TRIOBP: variants seen among roughly 807,000 people sequenced by gnomAD.
TRIOBP encodes the protein TRIO and F-actin binding protein, also known as TRIO and F-actin-binding protein.
Under a neutral mutation model 238.8 loss-of-function variants are expected in TRIOBP, and 169 were observed. That is an observed-to-expected ratio of 0.71 (90% CI 0.62 to 0.80). The LOEUF is 0.80. Ranked by LOEUF, TRIOBP falls within the 30% of genes least tolerant of loss-of-function variation. TRIOBP has a pLI of 0.00. For synonymous variants in TRIOBP, 1,150 were observed against 1,274.4 expected (o/e 0.90, Z 2.08); for missense variants, 2,838 against 3,122.6 (o/e 0.91, Z 2.17).
At position 37,758,052 on chromosome 22, in the gene TRIOBP, C is replaced by A; in HGVS notation, c.6127C>A (p.Arg2043=). The A allele has an allele frequency of 6.2e-7, 1 of 1,611,978 alleles. No homozygotes were observed. The highest frequency in any genetic ancestry group is 8.5e-7 in the Non-Finnish European group (1 of 1,179,808). The change falls in exon 16 of 24, where the codon CGG becomes AGG. Residue 2043 remains arginine (R), a synonymous_variant. Coordinates refer to ENST00000644935, the MANE Select transcript of TRIOBP (RefSeq NM_001039141.3). ...GAAGCTGCCCCTGCGGGAGAATAAGCGGGTGCCCCTCACTGCCCTGCTCAA... is the reference window on the plus strand; with the variant it reads ...GAAGCTGCCCCTGCGGGAGAATAAGAGGGTGCCCCTCACTGCCCTGCTCAA... ...LEKLPLRENK[R]VPLTALLNQS...
At chr22:37,712,175 A>G (rs1473470950) in intron 4 of TRIOBP, among the ~76,000 whole-genome samples, 1 of 151,832 alleles carries the variant, frequency 6.6e-6, no homozygotes, top group Non-Finnish European at 1.5e-5. Flanking sequence ...TTCCTCTGTG[A>G]AATGGGAATT....
At chr22:37,755,726 A>G (rs1046868076) in intron 15 of TRIOBP, 67 bp downstream of exon 15, 1 of 1,404,022 alleles carries the variant, frequency 7.1e-7, no homozygotes, top group Non-Finnish European at 1.0e-6. Context: ...GTGGGTTTCT[A>G]GGTACTCACC....
At chr22:37,738,150 A>G (rs1170905506) in intron 9 of TRIOBP, among the ~76,000 whole-genome samples, 1 of 152,206 alleles carries the variant, frequency 6.6e-6, no homozygotes, top group Non-Finnish European at 1.5e-5. Context: ...TCAATGATGC[A>G]TGTTGAATGA....
chr22:37,738,122 G>A (rs979350439), intron 9 of TRIOBP, among the ~76,000 whole-genome samples: 1 of 152,230 alleles, frequency 6.6e-6, no homozygotes, highest in African/African-American at 2.4e-5. Context: ...GAGGGTGAAT[G>A]TGTGAATGGA....
rs1181630970 is a variant in TRIOBP, at chr22:37,734,505, A to G, written c.4169A>G (p.Gln1390Arg). The G allele has an allele frequency of 3.7e-6, 6 of 1,608,826 alleles. No individual in the cohort carries two copies. The highest frequency in any genetic ancestry group is 5.1e-6 in the Non-Finnish European group (6 of 1,178,282). Reference protein sequence around the residue: ...EKRPEGDRQLQGSPLPPRTSA... With the variant: ...EKRPEGDRQLRGSPLPPRTSA... ...AGACCTGAGGGAGATCGGCAGCTCC[A>G]GGGGTCCCCGCTGCCCCCCAGGACA... The change falls in exon 9 of 24, where the codon CAG becomes CGG. Residue 1390 changes from glutamine to arginine, a missense_variant. This residue lies in a region of TRIOBP where 2,096 missense variants were observed against 2,137.4 expected (regional missense o/e 0.98). Transcript: ENST00000644935.
At chr22:37,733,187 G>A (rs1924506365) in intron 7 of TRIOBP, 111 bp from the exon 8 acceptor site, 2 of 831,668 alleles carry the variant, frequency 2.4e-6, no homozygotes, top group South Asian at 2.9e-5. Context: ...CAACGAGCTT[G>A]CAGTGGGTCC....
At chr22:37,732,755 G>A (rs1241973787) in intron 7 of TRIOBP, among the ~76,000 whole-genome samples, 1 of 152,192 alleles carries the variant, frequency 6.6e-6, no homozygotes, top group Non-Finnish European at 1.5e-5. Context: ...GAACACGGGG[G>A]CACACAGCAG....
intron 6 of TRIOBP, among the ~76,000 whole-genome samples, chr22:37,721,220 C>G (rs534672638): frequency 6.6e-6 from 1 of 152,134 alleles, no homozygotes; most frequent in African/African-American, 2.4e-5. Flanking sequence ...ACCATGTTGG[C>G]CAGGCTGGTC....
Position 37,755,114 on chromosome 22 carries a change from A to C in TRIOBP, c.5501A>C (p.Asp1834Ala). Residue 1834 changes from aspartate to alanine, a missense_variant, in exon 14 of 24, where the codon GAT becomes GCT. By Grantham distance (126) the Asp-to-Ala change is moderately radical (BLOSUM62 -2). Coordinates refer to ENST00000644935, the MANE Select transcript of TRIOBP (RefSeq NM_001039141.3). The part of the protein sequence containing the change: ...DSTAEEADEL[D>A]GEIDLRSCTD... ...CTCTTGCTCCAGGCAGATGAGCTGG[A>C]TGGTGAGATCGACCTGCGTTCCTGC... 1 of 1,613,708 alleles carries C rather than the reference A, an allele frequency of 6.2e-7. No individual in the cohort carries two copies. The highest frequency in any genetic ancestry group is 8.5e-7 in the Non-Finnish European group (1 of 1,179,832).
chr22:37,730,619 A>G (rs995290479), intron 7 of TRIOBP, among the ~76,000 whole-genome samples: 1 of 152,078 alleles, frequency 6.6e-6, no homozygotes, highest in Non-Finnish European at 1.5e-5. Flanking sequence ...CAGCTCTCAC[A>G]GAGTAAGGAA....
At position 37,711,609 on chromosome 22, in the gene TRIOBP, C is replaced by A. The variant is rs7289713; in HGVS notation, c.254+1043C>A. 5.9e-3 allele frequency among the ~76,000 whole-genome samples: 757 copies of A among 128,028 alleles called. 4 individuals carry two copies. The highest frequency in any genetic ancestry group is 0.02 in the African/African-American group (675 of 33,270). The allele number at this position is 128,028 out of a possible 152,430, so 84.0% of individuals were successfully genotyped here. A position where few individuals can be genotyped will look rare whatever the true frequency, so the allele number is the denominator to read the frequency against. On this transcript the variant is annotated intron_variant, in intron 4 of 23. Transcript: ENST00000644935. ...AAAAAAAAACAACAAAAAAAAAAAA[C>A]AAAAAAAAACCCACAAAAAAACGAA...
intron 4 of TRIOBP, among the ~76,000 whole-genome samples, chr22:37,711,911 G>A (rs1923269115): frequency 6.6e-6 from 1 of 152,130 alleles, no homozygotes; most frequent in African/African-American, 2.4e-5. Flanking sequence ...TTAAAGCAGA[G>A]CCTTCTCTGC....
chr22:37,720,838 C>T (rs1923784412), intron 6 of TRIOBP, among the ~76,000 whole-genome samples: 1 of 151,824 alleles, frequency 6.6e-6, no homozygotes, highest in Non-Finnish European at 1.5e-5. Context: ...TGCCATGGGA[C>T]ATCAGCCACC....
rs1286613597 is a variant in TRIOBP at position 37,757,980 on chromosome 22, C to A, written c.6055C>A (p.Gln2019Lys). 6.3e-7 allele frequency: 1 copy of A among 1,585,866 alleles called. No individual in the cohort carries two copies. Among genetic ancestry groups the A allele is most frequent in the Admixed American group, 1.8e-5 (1 of 55,154 alleles). ...GLGAPLTEDQ[Q>K]NRLSEEIEKK... ...GGGTGCCCCCCTGACTGAGGACCAG[C>A]AAAACCGGCTTAGTGAGGAGATCGA... The change falls in exon 16 of 24, where the codon CAA (glutamine) becomes AAA (lysine). Residue 2019 changes from glutamine (Q) to lysine (K), a missense_variant. Gln to Lys is a moderately conservative substitution (Grantham distance 53, BLOSUM62 1). Transcript: ENST00000644935.
chr22:37,734,412 C>G lies in TRIOBP; in HGVS notation c.4076C>G (p.Pro1359Arg). The G allele has an allele frequency of 6.2e-7, 1 of 1,613,116 alleles. No homozygotes were observed. The highest frequency in any genetic ancestry group is 8.5e-7 in the Non-Finnish European group (1 of 1,179,906). Residue 1359 changes from proline (P) to arginine (R), a missense_variant, in exon 9 of 24, where the codon CCT (proline) becomes CGT (arginine). This residue lies in a region of TRIOBP where 2,096 missense variants were observed against 2,137.4 expected (regional missense o/e 0.98). Coordinates refer to ENST00000644935, the MANE Select transcript of TRIOBP (RefSeq NM_001039141.3). ...CCTCATCCCCAGGTGACCATGCTCC[C>G]TGCCAAACAGGCAGAACTGACCCGG... ...PAPSRQVTMLPAKQAELTRRS... is the reference protein window; with the variant it reads ...PAPSRQVTMLRAKQAELTRRS...
At chr22:37,721,920 C>T (rs1476907516) in intron 6 of TRIOBP, among the ~76,000 whole-genome samples, 2 of 152,158 alleles carry the variant, frequency 1.3e-5, no homozygotes, top group African/African-American at 4.8e-5. Flanking sequence ...ACACCAAGGT[C>T]ATGGCAACTC....
intron 7 of TRIOBP, among the ~76,000 whole-genome samples, chr22:37,730,749 C>A (rs1924382650): frequency 6.6e-6 from 1 of 152,008 alleles, no homozygotes; most frequent in Non-Finnish European, 1.5e-5. Context: ...CAAAATGAGA[C>A]CAGCCTGGCC....
rs755381044 is a variant in TRIOBP at position 37,701,465 on chromosome 22, G to A, written c.100G>A (p.Gly34Arg). The A allele has an allele frequency of 6.2e-7, 1 of 1,612,166 alleles. No individual in the cohort carries two copies. The highest frequency in any genetic ancestry group is 8.5e-7 in the Non-Finnish European group (1 of 1,179,284). The part of the protein sequence containing the change: ...QNCFHPEEAH[G>R]ARYQELRSPS... ...CTGCTTCCACCCTGAGGAGGCCCATGGAGCAAGATACCAGGTGGGCCAGTT... is the reference window on the plus strand; with the variant it reads ...CTGCTTCCACCCTGAGGAGGCCCATAGAGCAAGATACCAGGTGGGCCAGTT... The change falls in exon 3 of 24, where the codon GGA becomes AGA. Residue 34 changes from glycine (G) to arginine (R), a missense_variant. By Grantham distance (125) the Gly-to-Arg change is moderately radical. Around this residue, in one of 5 missense-constraint regions of TRIOBP, gnomAD observed 535 missense variants for 537.3 expected, o/e 1.00. Coordinates refer to ENST00000644935, the MANE Select transcript of TRIOBP (RefSeq NM_001039141.3).
intron 11 of TRIOBP, among the ~76,000 whole-genome samples, chr22:37,746,635 C>T (rs1925292609): frequency 6.6e-6 from 1 of 152,230 alleles, no homozygotes; most frequent in Admixed American, 6.5e-5. Context: ...CGCCCACTCG[C>T]CCCCGGGAGC....
Sources: gnomAD v4.1 joint callset for allele counts (sites outside exome capture counted in the v4.1 genomes callset) on GRCh38, gnomAD v4.1.1 for gene constraint, gnomAD v4.1.1 regional missense constraint, MANE v1.5 for transcripts, NCBI Gene and HGNC (gene_info 2026-07-23, HGNC 2026-07-21) for gene names.